Variants in UBASH3B observed in about 807,000 individuals in gnomAD.
The protein encoded by UBASH3B is ubiquitin-associated and SH3 domain-containing protein B.
UBASH3B carries 37 observed loss-of-function variants against 83.4 expected under a neutral mutation model. The ratio of observed to expected loss-of-function variants is 0.44; its 90% CI spans 0.34 to 0.58. UBASH3B has a LOEUF of 0.58. Among genes scored for constraint, UBASH3B ranks in the 20% least tolerant of loss-of-function variants. The pLI, the probability that UBASH3B is intolerant of heterozygous loss-of-function variation, is 0.01. For synonymous variants in UBASH3B, 304 were observed against 318.3 expected, an observed-to-expected ratio of 0.96 and a Z score of 0.48; for missense variants, 657 against 827.2, an observed-to-expected ratio of 0.79 and a Z score of 2.52.
intron 4 of UBASH3B, among the ~76,000 whole-genome samples, chr11:122,780,134 A>G (rs1860824879): frequency 6.6e-6 from 1 of 152,182 alleles, no homozygotes; most frequent in African/African-American, 2.4e-5. Flanking sequence ...AGCAGAGGAT[A>G]GAGAGAAGAG....
chr11:122,676,663 A>G (rs1019357042), intron 1 of UBASH3B, among the ~76,000 whole-genome samples: 24 of 152,292 alleles, frequency 1.6e-4, no homozygotes, highest in Admixed American at 1.0e-3. Flanking sequence ...TGAGCCAAGA[A>G]TGTGCCACTG....
At chr11:122,770,611 C>A (rs1355839505) in intron 1 of UBASH3B, among the ~76,000 whole-genome samples, 1 of 152,136 alleles carries the variant, frequency 6.6e-6, no homozygotes, top group Non-Finnish European at 1.5e-5. Context: ...ACAAAGAAAA[C>A]GGCAGCTAAC....
chr11:122,812,167 A>C lies in UBASH3B; in HGVS notation c.*2281A>C, dbSNP rs1861460260. ...GGCAATGGTCTATATAAGCAAAAGG[A>C]GATAGAGATCTGAAATAATTTTCCG... On this transcript the variant is annotated 3_prime_UTR_variant, in exon 14 of 14. Coordinates refer to ENST00000284273, the MANE Select transcript of UBASH3B (RefSeq NM_032873.5). 2 of 152,258 alleles carry C rather than the reference A, an allele frequency of 1.3e-5. No homozygotes were observed. The highest frequency in any genetic ancestry group is 4.1e-4 in the South Asian group (2 of 4,832). 9.4% of individuals were successfully genotyped at this position (152,258 alleles called of 1,614,324 possible).
chr11:122,733,376 G>T (rs746336155), intron 1 of UBASH3B, among the ~76,000 whole-genome samples: 6 of 152,196 alleles, frequency 3.9e-5, no homozygotes, highest in Admixed American at 3.3e-4. Context: ...TTGGATGAAG[G>T]TATTGACTTT....
chr11:122,765,550 C>T (rs1860521960), intron 1 of UBASH3B, among the ~76,000 whole-genome samples: 1 of 152,206 alleles, frequency 6.6e-6, no homozygotes, highest in Non-Finnish European at 1.5e-5. Context: ...TGACAGGACA[C>T]AGCAGGTACA....
chr11:122,691,156 G>T (rs567922749), intron 1 of UBASH3B, among the ~76,000 whole-genome samples: 5 of 152,316 alleles, frequency 3.3e-5, no homozygotes, highest in African/African-American at 7.2e-5. Flanking sequence ...CTCCTGAGAG[G>T]TTCATCACTG....
At chr11:122,747,828 C>T (rs1861143137) in intron 1 of UBASH3B, among the ~76,000 whole-genome samples, 1 of 152,194 alleles carries the variant, frequency 6.6e-6, no homozygotes, top group Non-Finnish European at 1.5e-5. Flanking sequence ...GTTTCAAATC[C>T]TGCCTTTGTG....
Position 122,796,847 on chromosome 11 carries a change from A to G in UBASH3B, c.1235-64A>G, listed in dbSNP as rs1197035465. On this transcript the variant is annotated intron_variant, in intron 8 of 13. Coordinates refer to ENST00000284273, the MANE Select transcript of UBASH3B (RefSeq NM_032873.5). Reference sequence around the variant, plus strand: ...AATGGGGGTGGAGAGTGTCAGGATCAGTAAGGGAGTCCCAAGTAAACAAGA... The same window carrying G: ...AATGGGGGTGGAGAGTGTCAGGATCGGTAAGGGAGTCCCAAGTAAACAAGA... 5 of 1,611,534 alleles carry G rather than the reference A, an allele frequency of 3.1e-6. No individual in the cohort carries two copies. In the African/African-American group the frequency reaches 4.0e-5, roughly 13 times the overall value.
At chr11:122,712,579 C>G (rs1297059936) in intron 1 of UBASH3B, among the ~76,000 whole-genome samples, 1 of 152,104 alleles carries the variant, frequency 6.6e-6, no homozygotes, top group African/African-American at 2.4e-5. Flanking sequence ...TCCTGTTGAG[C>G]ACCAGGAGGG....
At chr11:122,656,662 CG>C (rs1443641197) in intron 1 of UBASH3B, among the ~76,000 whole-genome samples, 1 of 152,178 alleles carries the variant, frequency 6.6e-6, no homozygotes, top group African/African-American at 2.4e-5. Flanking sequence ...CGGGAGACTG[CG>C]GGGCAGGGAG....
chr11:122,808,753 C>T (rs550330990), intron 13 of UBASH3B, among the ~76,000 whole-genome samples: 9 of 152,262 alleles, frequency 5.9e-5, no homozygotes, highest in South Asian at 2.1e-4. Flanking sequence ...CTTTCTCTGC[C>T]GCCAGAGAAC....
In UBASH3B at chr11:122,789,322, A is replaced by G. The variant is rs779174244; in HGVS notation, c.980+14A>G. 8 of 1,613,950 alleles carry G rather than the reference A, an allele frequency of 5.0e-6. No individual in the cohort carries two copies. The highest frequency in any genetic ancestry group is 3.3e-4 in the Middle Eastern group (2 of 6,062). ...GATATTTCATGGGTAAGCAGACACAAAGACCTTTATGCCATTTGAAGAATG... is the reference window on the plus strand; with the variant it reads ...GATATTTCATGGGTAAGCAGACACAGAGACCTTTATGCCATTTGAAGAATG... On this transcript the variant is annotated intron_variant, in intron 6 of 13. Coordinates refer to ENST00000284273, the MANE Select transcript of UBASH3B (RefSeq NM_032873.5).
chr11:122,704,594 T>C (rs1420398120), intron 1 of UBASH3B, among the ~76,000 whole-genome samples: 1 of 151,812 alleles, frequency 6.6e-6, no homozygotes, highest in African/African-American at 2.4e-5. Context: ...ACTGCAACCT[T>C]TGCCTCCCAG....
intron 1 of UBASH3B, among the ~76,000 whole-genome samples, chr11:122,749,117 G>A: frequency 6.6e-6 from 1 of 152,210 alleles, no homozygotes; most frequent in Admixed American, 6.5e-5. Flanking sequence ...AGAGCCTTCT[G>A]CTGACACATC....
intron 1 of UBASH3B, among the ~76,000 whole-genome samples, chr11:122,736,488 G>A (rs541861153): frequency 9.2e-5 from 14 of 151,818 alleles, no homozygotes; most frequent in African/African-American, 3.1e-4. Flanking sequence ...ACTAATTCAT[G>A]CAGAATGGAA....
At chr11:122,751,616 G>A (rs999740841) in intron 1 of UBASH3B, among the ~76,000 whole-genome samples, 3 of 152,232 alleles carry the variant, frequency 2.0e-5, no homozygotes, top group African/African-American at 7.2e-5. Context: ...AGGCAATGCT[G>A]CCTGGCTGCA....
intron 1 of UBASH3B, among the ~76,000 whole-genome samples, chr11:122,753,460 A>G (rs1861231818): frequency 6.6e-6 from 1 of 151,250 alleles, no homozygotes; most frequent in African/African-American, 2.4e-5. Context: ...CAAAAAAAGA[A>G]AAGAAAAATC....
chr11:122,722,985 G>A (rs188581319), intron 1 of UBASH3B, among the ~76,000 whole-genome samples: 6 of 152,262 alleles, frequency 3.9e-5, no homozygotes, highest in African/African-American at 9.6e-5. Flanking sequence ...GATTACAGGC[G>A]TGAGCCACCG....
At chr11:122,721,008 G>C (rs1860619995) in intron 1 of UBASH3B, among the ~76,000 whole-genome samples, 1 of 152,036 alleles carries the variant, frequency 6.6e-6, no homozygotes, top group Non-Finnish European at 1.5e-5. Context: ...CACTTTGGGA[G>C]GCCGAGGTGG....
Sources: gnomAD v4.1 joint callset for allele counts (sites outside exome capture counted in the v4.1 genomes callset) on GRCh38, gnomAD v4.1.1 for gene constraint, MANE v1.5 for transcripts, NCBI Gene and HGNC (gene_info 2026-07-23, HGNC 2026-07-21) for gene names.